SLC6A6: variants seen among roughly 807,000 people sequenced by gnomAD.
SLC6A6 encodes the protein sodium- and chloride-dependent taurine transporter.
SLC6A6 carries 16 observed loss-of-function variants against 68.8 expected under a neutral mutation model. The observed-to-expected ratio is 0.23, with a 90% confidence interval of 0.16 to 0.35. The LOEUF is 0.35. Ranked by LOEUF, SLC6A6 falls within the 10% of genes least tolerant of loss-of-function variation. The pLI is 1.00. For missense variants in SLC6A6, 474 were observed against 802.8 expected, an observed-to-expected ratio of 0.59 and a Z score of 4.95; for synonymous variants, 312 against 315.4, an observed-to-expected ratio of 0.99 and a Z score of 0.12.
chr3:14,446,976 A>C (rs911838232), intron 4 of SLC6A6, among the ~76,000 whole-genome samples: 1 of 152,152 alleles, frequency 6.6e-6, no homozygotes, highest in Non-Finnish European at 1.5e-5. Context: ...CTCAGTAATT[A>C]GACTATCCAT....
intron 13 of SLC6A6, among the ~76,000 whole-genome samples, chr3:14,480,682 T>C (rs1700986998): frequency 6.6e-6 from 1 of 152,212 alleles, no homozygotes; most frequent in Non-Finnish European, 1.5e-5. Flanking sequence ...CAAATCCCAG[T>C]TACTAGGTGT....
rs201578085 is a variant in SLC6A6, at chr3:14,467,951, G to A, written c.966G>A (p.Ser322=). The part of the protein sequence containing the change: ...LGSYNKYKYN[S]YRDCMLLGCL... ...GCTACAACAAGTACAAGTATAACTC[G>A]TACAGGCAAGTGTTGCGCCGGCGGG... The change falls in exon 8 of 15, where the codon TCG becomes TCA. Residue 322 remains serine (S), a synonymous_variant. Transcript: ENST00000622186. 4.7e-5 allele frequency: 76 copies of A among 1,612,010 alleles called. No homozygotes were observed. The highest frequency in any genetic ancestry group is 1.1e-4 in the East Asian group (5 of 44,880).
chr3:14,444,589 G>A lies in SLC6A6; in HGVS notation c.229+726G>A, dbSNP rs113039325. On this transcript the variant is annotated intron_variant, in intron 3 of 14. Transcript: ENST00000622186. ...TGCCATGATGGGGTTGAAGAGAACC[G>A]GATAGGGAGGAACTGCTCACGGCTG... The A allele has an allele frequency of 4.2e-4, 161 of 381,224 alleles. 2 individuals carry two copies. Among genetic ancestry groups the A allele is most frequent in the African/African-American group, 2.1e-3 (103 of 47,908 alleles). 23.6% of individuals were successfully genotyped at this position (381,224 alleles called of 1,614,324 possible).
chr3:14,465,082 G>C (rs536194114), intron 6 of SLC6A6, among the ~76,000 whole-genome samples: 1 of 152,144 alleles, frequency 6.6e-6, no homozygotes, highest in Non-Finnish European at 1.5e-5. Flanking sequence ...CTTGTGCCTG[G>C]GACGTTCCTA....
intron 1 of SLC6A6, among the ~76,000 whole-genome samples, chr3:14,410,527 G>T (rs919756019): frequency 6.6e-6 from 1 of 152,218 alleles, no homozygotes; most frequent in Non-Finnish European, 1.5e-5. Context: ...GGAATAGAAC[G>T]TGGAAGGTAG....
At chr3:14,444,607 C>T (rs1002870622) in intron 3 of SLC6A6, 14 of 396,926 alleles carry the variant, frequency 3.5e-5, no homozygotes, top group Admixed American at 2.2e-4. Context: ...AGGAACTGCT[C>T]ACGGCTGGTG....
At chr3:14,465,110 C>G (rs1428599246) in intron 6 of SLC6A6, among the ~76,000 whole-genome samples, 2 of 152,192 alleles carry the variant, frequency 1.3e-5, no homozygotes, top group East Asian at 3.9e-4. Context: ...AGTGCCCTGC[C>G]TGAAACACTA....
chr3:14,477,136 C>T lies in SLC6A6; in HGVS notation c.1210-69C>T. On this transcript the variant is annotated intron_variant, in intron 10 of 14. Coordinates refer to ENST00000622186, the MANE Select transcript of SLC6A6 (RefSeq NM_003043.6). This position sits in a 1 kb window ranked among gnomAD's most constrained non-coding sequence, Gnocchi z 4.2. ...TGCATTGTGTGTTCCTGGGCCCTTC[C>T]CTCCGAGCAGCAGGCAAGGGTGGCC... 6.7e-7 allele frequency: 1 copy of T among 1,487,350 alleles called. No individual in the cohort carries two copies. The allele number at this position is 1,487,350 out of a possible 1,614,324, so 92.1% of individuals were successfully genotyped here.
intron 1 of SLC6A6, among the ~76,000 whole-genome samples, chr3:14,414,699 A>G (rs1474654510): frequency 1.3e-5 from 2 of 151,564 alleles, no homozygotes; most frequent in African/African-American, 4.9e-5. Context: ...CTAATTTTTA[A>G]ATTTTATTTT....
chr3:14,451,864 C>T (rs1309065576), intron 5 of SLC6A6, among the ~76,000 whole-genome samples: 3 of 152,176 alleles, frequency 2.0e-5, no homozygotes, highest in Non-Finnish European at 2.9e-5. Context: ...GCCAGTTGGG[C>T]GGCAGAGCAG....
chr3:14,472,893 T>C lies in SLC6A6; in HGVS notation c.1209+576T>C, dbSNP rs1212980984. On this transcript the variant is annotated intron_variant, in intron 10 of 14. Transcript: ENST00000622186. This position sits in a 1 kb window ranked among gnomAD's most constrained non-coding sequence, Gnocchi z 4.5. Reference sequence around the variant, plus strand: ...TGGGCATTGGCTCCCTCCCGTGCTTTATACACCGCACAGGCCGGGAGCCTC... The same window carrying C: ...TGGGCATTGGCTCCCTCCCGTGCTTCATACACCGCACAGGCCGGGAGCCTC... Among the ~76,000 whole-genome samples, 1 of 152,238 alleles carries C rather than the reference T, an allele frequency of 6.6e-6. No homozygotes were observed. The highest frequency in any genetic ancestry group is 1.5e-5 in the Non-Finnish European group (1 of 68,046).
chr3:14,470,190 C>T (rs1039633934), intron 9 of SLC6A6, among the ~76,000 whole-genome samples: 4 of 152,214 alleles, frequency 2.6e-5, no homozygotes, highest in South Asian at 2.1e-4. Context: ...GAAGTATTTT[C>T]GTAGACACAT....
intron 2 of SLC6A6, among the ~76,000 whole-genome samples, chr3:14,439,923 TC>T (rs1422661741): frequency 6.6e-6 from 1 of 152,144 alleles, no homozygotes; most frequent in Non-Finnish European, 1.5e-5. Context: ...TCACTGTTAC[TC>T]CCAGCGGAGT....
intron 2 of SLC6A6, among the ~76,000 whole-genome samples, chr3:14,418,253 G>T (rs745701355): frequency 6.6e-6 from 1 of 152,184 alleles, no homozygotes; most frequent in Non-Finnish European, 1.5e-5. Flanking sequence ...TTTCTAAGGG[G>T]GAAGGTTAAG....
chr3:14,466,518 C>T lies in SLC6A6; in HGVS notation c.735C>T (p.Val245=), dbSNP rs1024046266. The T allele has an allele frequency of 5.6e-6, 9 of 1,610,852 alleles. No homozygotes were observed. The highest frequency in any genetic ancestry group is 7.6e-6 in the Non-Finnish European group (9 of 1,177,998). ...IWKGVRSTGK[V]VYFTATFPFA... ...CTGAATCCCTCTCGCCCTTGCAGGT[C>T]GTCTACTTCACAGCCACTTTTCCAT... is the stretch of plus-strand genomic sequence containing the variant. The change falls in exon 7 of 15, where the codon GTC becomes GTT. Residue 245 remains valine (V), a splice_region_variant and synonymous_variant. Transcript: ENST00000622186.
chr3:14,469,034 G>C (rs1040304664), intron 9 of SLC6A6, among the ~76,000 whole-genome samples: 1 of 152,224 alleles, frequency 6.6e-6, no homozygotes, highest in Admixed American at 6.5e-5. Context: ...CTGGGACTTG[G>C]CCATGGCTGC....
intron 6 of SLC6A6, among the ~76,000 whole-genome samples, chr3:14,460,738 G>A (rs1208809095): frequency 2.0e-5 from 3 of 152,250 alleles, no homozygotes; most frequent in East Asian, 1.9e-4. Context: ...AACCTCCTTC[G>A]TGGGGTGGCT....
chr3:14,458,143 C>T, intron 6 of SLC6A6, 61 bp downstream of exon 6: 4 of 1,510,242 alleles, frequency 2.6e-6, no homozygotes, highest in Non-Finnish European at 3.7e-6. Context: ...TGGCCCTCTC[C>T]CCCACTTCCC....
At chr3:14,420,027 A>C (rs1352428363) in intron 2 of SLC6A6, among the ~76,000 whole-genome samples, 1 of 152,230 alleles carries the variant, frequency 6.6e-6, no homozygotes, top group Non-Finnish European at 1.5e-5. Context: ...CAGTGTTGTC[A>C]GAAAAGGCCA....
Sources: allele counts gnomAD v4.1 joint callset (sites outside exome capture counted in the v4.1 genomes callset), GRCh38; gene constraint gnomAD v4.1.1; non-coding constraint Gnocchi (gnomAD v3.1); transcripts MANE v1.5; gene names NCBI Gene and HGNC (gene_info 2026-07-23, HGNC 2026-07-21).